SHANK2: variants seen among roughly 807,000 people sequenced by gnomAD.
The protein encoded by SHANK2 is SH3 and multiple ankyrin repeat domains 2, also known as SH3 and multiple ankyrin repeat domains protein 2.
A neutral mutation model predicts 133.7 loss-of-function variants in SHANK2; 43 were observed. The observed-to-expected ratio is 0.32, with a 90% CI of 0.25 to 0.41. SHANK2 has a LOEUF of 0.41. Ranked by LOEUF, SHANK2 falls within the 10% of genes least tolerant of loss-of-function variation. The pLI is 1.00. For missense variants in SHANK2, 1,994 were observed against 2,235.8 expected (o/e 0.89, Z 2.18); for synonymous variants, 1,017 against 952.8 (o/e 1.07, Z -1.24).
chr11:70,552,412 T>C (rs1489877768), intron 17 of SHANK2, among the ~76,000 whole-genome samples: 4 of 152,184 alleles, frequency 2.6e-5, no homozygotes, highest in African/African-American at 4.8e-5. Flanking sequence ...ATTTAGTTCC[T>C]GTATGTCCCA....
rs548915930 is a variant in SHANK2 at position 70,847,243 on chromosome 11, C to T, written c.1175-26561G>A. Among the ~76,000 whole-genome samples the T allele has an allele frequency of 5.3e-5, 8 of 152,320 alleles. No homozygotes were observed. In the South Asian group the frequency reaches 1.4e-3, roughly 28 times the overall value. ...GCTATGGAGTCCCACCATGGCACCC[C>T]GCGGGAGGCCGTCCCTCCTGCCCAC... is the stretch of plus-strand genomic sequence containing the variant. On this transcript the variant is annotated intron_variant, in intron 11 of 25. Transcript: ENST00000601538.
At chr11:70,607,603 C>T (rs1321461025) in intron 17 of SHANK2, among the ~76,000 whole-genome samples, 1 of 152,252 alleles carries the variant, frequency 6.6e-6, no homozygotes, top group Non-Finnish European at 1.5e-5. Context: ...CTGTGGCCGT[C>T]AGCAAACAGA....
intron 14 of SHANK2, among the ~76,000 whole-genome samples, chr11:70,789,855 T>A (rs1424558844): frequency 1.3e-5 from 2 of 152,216 alleles, no homozygotes; most frequent in East Asian, 3.9e-4. Context: ...CATTTTCTCA[T>A]CATGTTCTAC....
chr11:70,601,015 ATATATCTATATC>A (rs56326812), intron 17 of SHANK2, among the ~76,000 whole-genome samples: 16,544 of 128,280 alleles, frequency 0.13, 1,044 homozygotes, highest in Middle Eastern at 0.19. Flanking sequence ...AGTAAAGAGA[ATATATCTATATC>A]TATATCTATA....
At chr11:71,180,170 G>A (rs1303862402) in intron 2 of SHANK2, among the ~76,000 whole-genome samples, 7 of 152,182 alleles carry the variant, frequency 4.6e-5, no homozygotes, top group East Asian at 1.9e-4. Flanking sequence ...TGACTCAGAA[G>A]CAAATAGCTC....
chr11:70,549,709 C>T (rs1281562509), intron 17 of SHANK2, among the ~76,000 whole-genome samples: 2 of 152,158 alleles, frequency 1.3e-5, no homozygotes, highest in Non-Finnish European at 2.9e-5. Context: ...ATTAGGACCT[C>T]GAAGGAATCT....
chr11:70,585,287 A>AG (rs1231319195), intron 17 of SHANK2, among the ~76,000 whole-genome samples: 1 of 152,252 alleles, frequency 6.6e-6, no homozygotes, highest in African/African-American at 2.4e-5. Context: ...GATGACCAGT[A>AG]GAGCCAGCTG....
rs1325017451 is a variant in SHANK2 at position 70,739,696 on chromosome 11, A to G, written c.1778-40933T>C. Among the ~76,000 whole-genome samples the G allele has an allele frequency of 6.6e-6, 1 of 152,210 alleles. No homozygotes were observed. The highest frequency in any genetic ancestry group is 2.4e-5 in the African/African-American group (1 of 41,444). ...AGTCCCTCCAAATTCATATGCTGAA[A>G]GCCTAACCCCTGCTCCTCAGAATGT... On this transcript the variant is annotated intron_variant, in intron 14 of 25. Coordinates refer to ENST00000601538, the MANE Select transcript of SHANK2 (RefSeq NM_012309.5). This position sits in a 1 kb window ranked among gnomAD's most constrained non-coding sequence, Gnocchi z 4.3.
chr11:70,817,427 G>A (rs1344301351), intron 12 of SHANK2, among the ~76,000 whole-genome samples: 2 of 152,200 alleles, frequency 1.3e-5, no homozygotes, highest in Non-Finnish European at 2.9e-5. Flanking sequence ...GGACTGACGG[G>A]TCAGGGCCAC....
chr11:70,536,255 C>A (rs1426287358), intron 17 of SHANK2, among the ~76,000 whole-genome samples: 1 of 152,252 alleles, frequency 6.6e-6, no homozygotes, highest in Admixed American at 6.5e-5. Context: ...GCTGGGCCAG[C>A]TGTAAGTGGC....
At chr11:71,176,984 T>C (rs1227423210) in intron 2 of SHANK2, among the ~76,000 whole-genome samples, 1 of 152,188 alleles carries the variant, frequency 6.6e-6, no homozygotes, top group Admixed American at 6.6e-5. Context: ...GGGAGACATG[T>C]TACATCCAGA....
At chr11:70,658,425 G>A (rs559053630) in intron 17 of SHANK2, among the ~76,000 whole-genome samples, 125 of 152,200 alleles carry the variant, frequency 8.2e-4, no homozygotes, top group Admixed American at 2.7e-3. Context: ...AAGCCACAGC[G>A]GGCTCCAATC....
chr11:70,888,189 C>T (rs1949776886), intron 11 of SHANK2, among the ~76,000 whole-genome samples: 1 of 151,820 alleles, frequency 6.6e-6, no homozygotes, highest in African/African-American at 2.4e-5. Context: ...ACTACAGCAG[C>T]ACCCTGAGGT....
rs1209946458 is a variant in SHANK2 at position 70,481,104 on chromosome 11, T to TCAG, written c.4979+4207_4979+4209dup. 3.3e-5 allele frequency among the ~76,000 whole-genome samples: 5 copies of TCAG among 152,220 alleles called. No homozygotes were observed. The East Asian group carries it at 9.6e-4, about 29-fold the overall frequency. On this transcript the variant is annotated intron_variant, in intron 25 of 25. Coordinates refer to ENST00000601538, the MANE Select transcript of SHANK2 (RefSeq NM_012309.5). ...AAGATGAGACTACCTCCTGGAATAA[T>TCAG]CAGGCCAGGTGGTCCTGGAACACTT...
chr11:70,821,236 T>C (rs548567267), intron 11 of SHANK2, among the ~76,000 whole-genome samples: 57 of 152,060 alleles, frequency 3.7e-4, no homozygotes, highest in African/African-American at 1.3e-3. Context: ...TCCCATAGGA[T>C]TGGGGTCCTT....
intron 17 of SHANK2, among the ~76,000 whole-genome samples, chr11:70,640,506 C>A (rs1318834675): frequency 6.6e-6 from 1 of 152,250 alleles, no homozygotes; most frequent in Non-Finnish European, 1.5e-5. Flanking sequence ...GAACGCATCG[C>A]TGTTGTCTCA....
At chr11:70,488,686 A>G (rs2135744014) in intron 24 of SHANK2, among the ~76,000 whole-genome samples, 1 of 152,386 alleles carries the variant, frequency 6.6e-6, no homozygotes, top group East Asian at 1.9e-4. Flanking sequence ...CAGCCCTGAA[A>G]GTGGTCCTGC....
At chr11:70,763,034 C>T (rs1947028022) in intron 14 of SHANK2, among the ~76,000 whole-genome samples, 1 of 152,202 alleles carries the variant, frequency 6.6e-6, no homozygotes, top group Non-Finnish European at 1.5e-5. Context: ...TCAACTCTTT[C>T]CTAACCACCC....
chr11:70,809,625 G>A (rs1948237275), intron 12 of SHANK2, among the ~76,000 whole-genome samples: 1 of 152,204 alleles, frequency 6.6e-6, no homozygotes, highest in Non-Finnish European at 1.5e-5. Context: ...ATGTCAACGT[G>A]TTTGAGGAGC....
Sources: gnomAD v4.1 joint callset for allele counts (sites outside exome capture counted in the v4.1 genomes callset) on GRCh38, gnomAD v4.1.1 for gene constraint, Gnocchi (gnomAD v3.1) non-coding constraint, MANE v1.5 for transcripts, NCBI Gene and HGNC (gene_info 2026-07-23, HGNC 2026-07-21) for gene names.